LRRC20: variants seen among roughly 807,000 people sequenced by gnomAD.
LRRC20 encodes leucine-rich repeat-containing protein 20.
A neutral mutation model predicts 14.4 loss-of-function variants in LRRC20; 11 were observed. The observed-to-expected ratio is 0.77, with a 90% CI of 0.48 to 1.27. The LOEUF is 1.27. Ranked by LOEUF, LRRC20 falls within the 50% of genes most tolerant of loss-of-function variation. LRRC20 has a pLI of 0.00. For missense variants in LRRC20, 219 were observed against 251.2 expected (o/e 0.87, Z 0.87); for synonymous variants, 121 against 107.3 (o/e 1.13, Z -0.79).
At chr10:70,380,875 C>T (rs1425633011) in intron 1 of LRRC20, among the ~76,000 whole-genome samples, 3 of 152,196 alleles carry the variant, frequency 2.0e-5, no homozygotes, top group African/African-American at 7.2e-5. Context: ...AACAAGCTTC[C>T]CACTGGGAGG....
chr10:70,343,927 G>A (rs1564630952), intron 2 of LRRC20, among the ~76,000 whole-genome samples: 1 of 152,172 alleles, frequency 6.6e-6, no homozygotes, highest in Non-Finnish European at 1.5e-5. Flanking sequence ...GGCCGGGCAT[G>A]GTGTCTCATG....
In LRRC20 at chr10:70,316,029, G is replaced by A. The variant is rs913500294; in HGVS notation, c.400+7834C>T. Among the ~76,000 whole-genome samples, 7 of 152,186 alleles carry A rather than the reference G, an allele frequency of 4.6e-5. No individual in the cohort carries two copies. In the East Asian group the frequency reaches 1.2e-3, roughly 25 times the overall value. On this transcript the variant is annotated intron_variant, in intron 4 of 4. Coordinates refer to ENST00000446961, the MANE Select transcript of LRRC20 (RefSeq NM_001278212.2). ...GGGCTTGGAGATCAGGGCATCAGGC[G>A]GCTCTCCAGCACTCTGGACAGAGAC... is the stretch of plus-strand genomic sequence containing the variant.
At chr10:70,380,543 C>T (rs1044251650) in intron 1 of LRRC20, among the ~76,000 whole-genome samples, 5 of 152,214 alleles carry the variant, frequency 3.3e-5, no homozygotes, top group Non-Finnish European at 7.3e-5. Context: ...CACCATCAGC[C>T]CACATGGGCC....
chr10:70,319,883 G>T (rs1305555670), intron 4 of LRRC20, among the ~76,000 whole-genome samples: 3 of 152,140 alleles, frequency 2.0e-5, no homozygotes, highest in Admixed American at 1.3e-4. Context: ...GTCCTGGCAG[G>T]CCAGTCCCCA....
At chr10:70,377,385 C>T (rs1278657910) in intron 1 of LRRC20, among the ~76,000 whole-genome samples, 2 of 152,142 alleles carry the variant, frequency 1.3e-5, no homozygotes, top group East Asian at 3.9e-4. Context: ...TAAGGACTTG[C>T]AAACACCCTC....
chr10:70,315,690 A>G (rs541605043), intron 4 of LRRC20, among the ~76,000 whole-genome samples: 3 of 152,278 alleles, frequency 2.0e-5, no homozygotes, highest in African/African-American at 4.8e-5. Context: ...GTCAGCATGA[A>G]AGCACAGCTG....
intron 3 of LRRC20, among the ~76,000 whole-genome samples, chr10:70,338,023 T>C (rs1842776298): frequency 6.6e-6 from 1 of 152,172 alleles, no homozygotes; most frequent in Non-Finnish European, 1.5e-5. Flanking sequence ...ATTGGCTGAG[T>C]ACAGCACTAG....
intron 3 of LRRC20, among the ~76,000 whole-genome samples, chr10:70,334,176 C>T (rs148807108): frequency 6.6e-6 from 1 of 151,776 alleles, no homozygotes; most frequent in African/African-American, 2.4e-5. Flanking sequence ...AAATGTGTTT[C>T]TGACAGAGTA....
At chr10:70,325,087 C>A (rs1248027554) in intron 3 of LRRC20, among the ~76,000 whole-genome samples, 2 of 152,052 alleles carry the variant, frequency 1.3e-5, no homozygotes, top group Non-Finnish European at 2.9e-5. Flanking sequence ...CCTGTCTGAC[C>A]CGAGGGAAAC....
chr10:70,301,291 T>G lies in LRRC20; in HGVS notation c.*63A>C. On this transcript the variant is annotated 3_prime_UTR_variant, in exon 5 of 5. Transcript: ENST00000446961. ...AGGCTTGGCCTCCCATGGGCCTCCCTCCCTTCCAGGGTTCCAGGCCTGTGG... is the reference window on the plus strand; with the variant it reads ...AGGCTTGGCCTCCCATGGGCCTCCCGCCCTTCCAGGGTTCCAGGCCTGTGG... 6.7e-7 allele frequency: 1 copy of G among 1,494,010 alleles called. No individual in the cohort carries two copies. The highest frequency in any genetic ancestry group is 9.0e-7 in the Non-Finnish European group (1 of 1,113,832). 92.5% of individuals were successfully genotyped at this position (1,494,010 alleles called of 1,614,324 possible).
At chr10:70,309,756 C>T (rs1246442351) in intron 4 of LRRC20, among the ~76,000 whole-genome samples, 2 of 152,266 alleles carry the variant, frequency 1.3e-5, no homozygotes, top group African/African-American at 4.8e-5. Flanking sequence ...TCCTCTGTCC[C>T]TCACCTGGGA....
At chr10:70,357,199 CGGAGA>C (rs1247899353) in intron 2 of LRRC20, among the ~76,000 whole-genome samples, 1 of 152,048 alleles carries the variant, frequency 6.6e-6, no homozygotes, top group South Asian at 2.1e-4. Context: ...TGGGGCTGGG[CGGAGA>C]TCAGGAAATG....
intron 3 of LRRC20, among the ~76,000 whole-genome samples, chr10:70,326,156 C>A (rs1842311521): frequency 6.6e-6 from 1 of 152,084 alleles, no homozygotes; most frequent in South Asian, 2.1e-4. Context: ...ACCAATTTTG[C>A]AGCTGGCCCT....
chr10:70,324,088 C>A, intron 3 of LRRC20, 58 bp from the exon 4 acceptor site: 1 of 1,529,294 alleles, frequency 6.5e-7, no homozygotes, highest in Non-Finnish European at 9.0e-7. Flanking sequence ...CCCGAGACCA[C>A]AGTGACTGCC....
At chr10:70,380,870 G>C (rs990994236) in intron 1 of LRRC20, among the ~76,000 whole-genome samples, 8 of 152,258 alleles carry the variant, frequency 5.3e-5, no homozygotes, top group African/African-American at 1.9e-4. Context: ...GCTAGAACAA[G>C]CTTCCCACTG....
chr10:70,367,905 C>A (rs1844075710), intron 2 of LRRC20, among the ~76,000 whole-genome samples: 1 of 142,342 alleles, frequency 7.0e-6, no homozygotes, highest in African/African-American at 2.6e-5. Flanking sequence ...CTACCAGCCC[C>A]CGCCCTCACA....
At position 70,376,512 on chromosome 10, in the gene LRRC20, C is replaced by T; in HGVS notation, c.22G>A (p.Ala8Thr). The change falls in exon 2 of 5, where the codon GCC (alanine) becomes ACC (threonine). Residue 8 changes from alanine (A) to threonine (T), a missense_variant. Coordinates refer to ENST00000446961, the MANE Select transcript of LRRC20 (RefSeq NM_001278212.2). MLKKMGE[A>T]VARVARKVNE... is the part of the protein sequence containing the mutation. ...ACCTTCCTTGCTACTCTGGCCACGG[C>T]CTCACCCATCTTCTTCAGCATGCAG... 1 of 1,613,874 alleles carries T rather than the reference C, an allele frequency of 6.2e-7. No homozygotes were observed.
At chr10:70,365,837 G>A (rs1200030483) in intron 2 of LRRC20, among the ~76,000 whole-genome samples, 3 of 152,210 alleles carry the variant, frequency 2.0e-5, no homozygotes, top group Admixed American at 6.5e-5. Context: ...TTGGGAGGCC[G>A]AGGCGGGCGG....
chr10:70,375,453 TGA>T (rs1289721037), intron 2 of LRRC20, among the ~76,000 whole-genome samples: 3 of 118,846 alleles, frequency 2.5e-5, no homozygotes, highest in African/African-American at 9.6e-5. Flanking sequence ...TCCTGAAGGC[TGA>T]GTGTCTCTCC....
Sources: allele counts gnomAD v4.1 joint callset (sites outside exome capture counted in the v4.1 genomes callset), GRCh38; gene constraint gnomAD v4.1.1; transcripts MANE v1.5; gene names NCBI Gene and HGNC (gene_info 2026-07-23, HGNC 2026-07-21).